EBF2: variants seen among roughly 807,000 people sequenced by gnomAD.
EBF2 encodes the protein transcription factor COE2.
EBF2 carries 21 observed loss-of-function variants against 72.8 expected under a neutral mutation model. The observed-to-expected ratio is 0.29, with a 90% CI of 0.20 to 0.42. The LOEUF (loss-of-function observed/expected upper bound fraction) is 0.42. Among genes scored for constraint, EBF2 ranks in the 10% least tolerant of loss-of-function variants. The pLI, the probability that EBF2 is intolerant of heterozygous loss-of-function variation, is 1.00. For synonymous variants in EBF2, 299 were observed against 274.2 expected (o/e 1.09, Z -0.89); for missense variants, 637 against 731.2 (o/e 0.87, Z 1.49).
rs1037648449 is a variant in EBF2 at position 26,040,211 on chromosome 8, C to T, written c.409-110G>A. 33 of 1,181,486 alleles carry T rather than the reference C, an allele frequency of 2.8e-5. No individual in the cohort carries two copies. The African/African-American group carries it at 3.8e-4, about 13-fold the overall frequency. 73.2% of individuals were successfully genotyped at this position (1,181,486 alleles called of 1,614,324 possible). A position where few individuals can be genotyped will look rare whatever the true frequency, so the allele number is the denominator to read the frequency against. On this transcript the variant is annotated intron_variant, in intron 4 of 15. Transcript: ENST00000520164. ...TCGCTTTCCCTCCCACTACCTGCCA[C>T]CGCATTAGGAATTCCCGCCCGCAGC...
chr8:25,922,701 T>G (rs1427451143), intron 6 of EBF2, among the ~76,000 whole-genome samples: 1 of 152,228 alleles, frequency 6.6e-6, no homozygotes, highest in Admixed American at 6.5e-5. Flanking sequence ...CACCTTCTAC[T>G]GCCTTTGAAA....
At position 25,851,944 on chromosome 8, in the gene EBF2, T is replaced by A. The variant is rs549784418; in HGVS notation, c.1529-1183A>T. 2.7e-4 allele frequency among the ~76,000 whole-genome samples: 41 copies of A among 152,306 alleles called. No individual in the cohort carries two copies. In the South Asian group the frequency reaches 7.3e-3, roughly 27 times the overall value. Reference sequence around the variant, plus strand: ...TATATTTTGGGCCACGTCCACCCAATTGCCTGTATAAAGCACTTATATAGC... The same window carrying A: ...TATATTTTGGGCCACGTCCACCCAAATGCCTGTATAAAGCACTTATATAGC... On this transcript the variant is annotated intron_variant, in intron 14 of 15. Transcript: ENST00000520164.
chr8:25,986,529 C>A (rs1804460364), intron 6 of EBF2, among the ~76,000 whole-genome samples: 1 of 152,176 alleles, frequency 6.6e-6, no homozygotes, highest in African/African-American at 2.4e-5. Context: ...TTGTTCGATG[C>A]TTGACTGTGT....
chr8:26,024,459 T>C (rs560355668), intron 6 of EBF2, among the ~76,000 whole-genome samples: 2 of 152,310 alleles, frequency 1.3e-5, no homozygotes, highest in South Asian at 4.1e-4. Context: ...CATGGCATAA[T>C]AGGCCCTTGA....
At chr8:25,847,871 G>A (rs767696627) in intron 15 of EBF2, among the ~76,000 whole-genome samples, 10 of 151,552 alleles carry the variant, frequency 6.6e-5, no homozygotes, top group African/African-American at 1.2e-4. Flanking sequence ...TTTCCTCCCC[G>A]ACCTACTCCA....
intron 6 of EBF2, among the ~76,000 whole-genome samples, chr8:25,975,086 A>T (rs1804247605): frequency 6.6e-6 from 1 of 152,152 alleles, no homozygotes; most frequent in South Asian, 2.1e-4. Flanking sequence ...TCGAAATCCC[A>T]CTCCTAAAAC....
chr8:26,025,216 A>G (rs968949500), intron 6 of EBF2, among the ~76,000 whole-genome samples: 2 of 152,110 alleles, frequency 1.3e-5, no homozygotes, highest in African/African-American at 4.8e-5. Flanking sequence ...GAAAGAAAGG[A>G]TGGGATTCGA....
At chr8:25,943,957 T>C (rs1450689648) in intron 6 of EBF2, among the ~76,000 whole-genome samples, 1 of 152,126 alleles carries the variant, frequency 6.6e-6, no homozygotes, top group Non-Finnish European at 1.5e-5. Context: ...AAAACCTAGG[T>C]GAGAACAGGG....
chr8:25,872,499 G>A (rs1302740322), intron 10 of EBF2, among the ~76,000 whole-genome samples: 1 of 152,154 alleles, frequency 6.6e-6, no homozygotes, highest in Non-Finnish European at 1.5e-5. Flanking sequence ...ATGTGTTTGT[G>A]CATCTGTGCA....
chr8:25,946,780 G>A (rs1803775381), intron 6 of EBF2, among the ~76,000 whole-genome samples: 1 of 152,120 alleles, frequency 6.6e-6, no homozygotes, highest in African/African-American at 2.4e-5. Context: ...TACTGTCTTT[G>A]TTCAGGCCTC....
intron 7 of EBF2, among the ~76,000 whole-genome samples, chr8:25,892,255 C>CT (rs1802795717): frequency 6.6e-6 from 1 of 152,132 alleles, no homozygotes; most frequent in South Asian, 2.1e-4. Context: ...TGTGGCTTCT[C>CT]TTTTTTTCTC....
intron 6 of EBF2, among the ~76,000 whole-genome samples, chr8:26,002,904 AGGCGGGCAGGCGGGCAGGCG>A (rs1563204729): frequency 1.5e-3 from 147 of 96,252 alleles, no homozygotes; most frequent in East Asian, 0.011. Flanking sequence ...GCAGGCGGGC[AGGCGGGCAGGCGGGCAGGCG>A]GGCAGGCAGG....
intron 15 of EBF2, among the ~76,000 whole-genome samples, chr8:25,845,130 T>G (rs2117240680): frequency 6.6e-6 from 1 of 152,306 alleles, no homozygotes; most frequent in Non-Finnish European, 1.5e-5. Flanking sequence ...AGTGCATTTT[T>G]TTTTTAATTA....
At chr8:25,919,142 C>T (rs1269969969) in intron 6 of EBF2, among the ~76,000 whole-genome samples, 1 of 152,148 alleles carries the variant, frequency 6.6e-6, no homozygotes, top group Non-Finnish European at 1.5e-5. Context: ...TGCATCTGTG[C>T]ACTGAAAAAT....
intron 6 of EBF2, among the ~76,000 whole-genome samples, chr8:25,916,676 A>T (rs1169568542): frequency 6.6e-6 from 1 of 152,190 alleles, no homozygotes; most frequent in Non-Finnish European, 1.5e-5. Flanking sequence ...ATCCACTCTC[A>T]CAGATAGTAG....
chr8:26,003,650 G>A (rs1473439522), intron 6 of EBF2, among the ~76,000 whole-genome samples: 2 of 152,084 alleles, frequency 1.3e-5, no homozygotes, highest in East Asian at 3.9e-4. Context: ...AGGTGTTCAG[G>A]TAAACTGACT....
intron 6 of EBF2, among the ~76,000 whole-genome samples, chr8:25,950,313 A>C (rs1339487254): frequency 1.3e-5 from 2 of 152,252 alleles, no homozygotes; most frequent in African/African-American, 4.8e-5. Context: ...ACCTCATATT[A>C]GATTTACACA....
chr8:25,992,492 G>A (rs1804560909), intron 6 of EBF2, among the ~76,000 whole-genome samples: 1 of 152,094 alleles, frequency 6.6e-6, no homozygotes. Flanking sequence ...TCCATTTGGT[G>A]GTGCGCTTGG....
At position 26,040,631 on chromosome 8, in the gene EBF2, G is replaced by GTC; in HGVS notation, c.391_392dup (p.Asp131GlufsTer25). 1 of 1,554,152 alleles carries GTC rather than the reference G, an allele frequency of 6.4e-7. No individual in the cohort carries two copies. Among genetic ancestry groups the GTC allele is most frequent in the Non-Finnish European group, 8.7e-7 (1 of 1,148,432 alleles). ...TCCGGCTCACCTGCTTGGTGACCGA[G>GTC]TCGATGAGCCTGACATAGAGGTCCT... On this transcript the variant is annotated frameshift_variant, in exon 4 of 16. Coordinates refer to ENST00000520164, the MANE Select transcript of EBF2 (RefSeq NM_022659.4). LOFTEE classifies it high-confidence loss of function.
Sources: allele counts gnomAD v4.1 joint callset (sites outside exome capture counted in the v4.1 genomes callset), GRCh38; gene constraint gnomAD v4.1.1; transcripts MANE v1.5; gene names NCBI Gene and HGNC (gene_info 2026-07-23, HGNC 2026-07-21).